Variants in ADAMTSL1 observed in about 807,000 individuals in gnomAD.
ADAMTSL1 encodes the protein ADAMTS like 1.
A neutral mutation model predicts 201.8 loss-of-function variants in ADAMTSL1; 126 were observed. The ratio of observed to expected loss-of-function variants is 0.62; its 90% confidence interval spans 0.54 to 0.72. The LOEUF is 0.72. Among genes scored for constraint, ADAMTSL1 ranks in the 30% least tolerant of loss-of-function variants. ADAMTSL1 has a pLI of 0.00. For synonymous variants in ADAMTSL1, 1,121 were observed against 903.4 expected (o/e 1.24, Z -4.32); for missense variants, 2,679 against 2,277.8 (o/e 1.18, Z -3.59).
At chr9:18,111,399 G>A (rs1824999537) in intron 1 of ADAMTSL1, among the ~76,000 whole-genome samples, 1 of 151,946 alleles carries the variant, frequency 6.6e-6, no homozygotes, top group Non-Finnish European at 1.5e-5. Context: ...TTTTATCCAT[G>A]TGCTTCTCAT....
chr9:18,395,121 C>T (rs2185377), intron 2 of ADAMTSL1, among the ~76,000 whole-genome samples: 26,821 of 152,096 alleles, frequency 0.18, 2,540 homozygotes, highest in South Asian at 0.25. Flanking sequence ...CACTCCTGCT[C>T]CCCCTTGTCC....
chr9:18,481,760 T>C (rs939657836), intron 1 of ADAMTSL1, among the ~76,000 whole-genome samples: 1 of 152,230 alleles, frequency 6.6e-6, no homozygotes, highest in East Asian at 1.9e-4. Flanking sequence ...ACTGTTTCTA[T>C]AGTTTATAGT....
At chr9:18,720,830 C>T (rs1036867927) in intron 14 of ADAMTSL1, among the ~76,000 whole-genome samples, 4 of 152,138 alleles carry the variant, frequency 2.6e-5, no homozygotes, top group Admixed American at 6.5e-5. Context: ...GCCCTGCAAA[C>T]CACCTTGGAG....
At chr9:18,361,662 A>G (rs1056203090) in intron 2 of ADAMTSL1, among the ~76,000 whole-genome samples, 1 of 152,174 alleles carries the variant, frequency 6.6e-6, no homozygotes, top group Non-Finnish European at 1.5e-5. Context: ...GAGCAGAACT[A>G]TGAGAAGCAA....
chr9:18,219,788 T>A (rs773643441), intron 2 of ADAMTSL1, among the ~76,000 whole-genome samples: 1 of 152,172 alleles, frequency 6.6e-6, no homozygotes, highest in Non-Finnish European at 1.5e-5. Context: ...AAAAATATCT[T>A]TTTAAATTTA....
intron 2 of ADAMTSL1, among the ~76,000 whole-genome samples, chr9:18,357,760 C>G (rs1836317548): frequency 1.3e-5 from 2 of 151,994 alleles, no homozygotes; most frequent in Admixed American, 1.3e-4. Context: ...TTTCCATAAC[C>G]TAGAATTGGA....
At chr9:17,998,899 A>G (rs913305851) in intron 1 of ADAMTSL1, among the ~76,000 whole-genome samples, 3 of 152,082 alleles carry the variant, frequency 2.0e-5, no homozygotes, top group Admixed American at 2.0e-4. Flanking sequence ...CAAAGGCCCC[A>G]TGAAATCTGC....
At chr9:18,616,720 T>C (rs1825722394) in intron 4 of ADAMTSL1, among the ~76,000 whole-genome samples, 2 of 152,222 alleles carry the variant, frequency 1.3e-5, no homozygotes, top group Admixed American at 6.5e-5. Flanking sequence ...GTGTGCATTA[T>C]GTTTAGTTCT....
chr9:18,396,916 T>A (rs1462653043), intron 2 of ADAMTSL1, among the ~76,000 whole-genome samples: 2 of 152,178 alleles, frequency 1.3e-5, no homozygotes, highest in African/African-American at 4.8e-5. Flanking sequence ...CATTCCTAAA[T>A]AGGGGTCCTA....
chr9:18,568,318 A>G (rs1031433195), intron 3 of ADAMTSL1, among the ~76,000 whole-genome samples: 5 of 152,214 alleles, frequency 3.3e-5, no homozygotes, highest in Non-Finnish European at 7.3e-5. Context: ...CAAAGACCAA[A>G]ATATGTAAAA....
intron 1 of ADAMTSL1, among the ~76,000 whole-genome samples, chr9:18,130,138 T>C (rs188584167): frequency 8.5e-5 from 13 of 152,244 alleles, no homozygotes; most frequent in Admixed American, 8.5e-4. Context: ...CTTCTTGCCA[T>C]CACAGTAACC....
At chr9:18,529,876 T>C (rs921634593) in intron 2 of ADAMTSL1, among the ~76,000 whole-genome samples, 7 of 152,222 alleles carry the variant, frequency 4.6e-5, no homozygotes, top group Non-Finnish European at 1.0e-4. Flanking sequence ...AACTACAGGA[T>C]ATTCTTTGGA....
Position 18,817,237 on chromosome 9 carries a change from G to A in ADAMTSL1, c.3934G>A (p.Gly1312Arg), listed in dbSNP as rs1212161317. ...TGTGACAATCAACTGCCAGGTTGCA[G>A]GTGAGAAATTAATGTTCATTTGTTC... is the stretch of plus-strand genomic sequence containing the variant. ...VNVTINCQVA[G>R]VPEAEVTWFR... The change falls in exon 21 of 29, where the codon GGA becomes AGA. Residue 1312 changes from glycine (G) to arginine (R), a missense_variant and splice_region_variant. By Grantham distance (125) the Gly-to-Arg change is moderately radical. Transcript: ENST00000380548. 9 of 1,552,780 alleles carry A rather than the reference G, an allele frequency of 5.8e-6. No homozygotes were observed. Among genetic ancestry groups the A allele is most frequent in the Non-Finnish European group, 7.8e-6 (9 of 1,147,626 alleles).
chr9:18,705,103 A>G (rs1046573782), intron 13 of ADAMTSL1, among the ~76,000 whole-genome samples: 1 of 152,192 alleles, frequency 6.6e-6, no homozygotes, highest in African/African-American at 2.4e-5. Context: ...TGTTCCTTCC[A>G]GTTTGGAAAT....
intron 15 of ADAMTSL1, among the ~76,000 whole-genome samples, chr9:18,731,192 A>G (rs1472954049): frequency 6.6e-6 from 1 of 152,264 alleles, no homozygotes. Context: ...CACCAGGAGT[A>G]GAGATACTGC....
chr9:17,934,806 C>T (rs111807989), intron 1 of ADAMTSL1, among the ~76,000 whole-genome samples: 1,985 of 151,772 alleles, frequency 0.013, 42 homozygotes, highest in African/African-American at 0.044. Flanking sequence ...CACAAAGACC[C>T]GTCATTCTAC....
intron 7 of ADAMTSL1, among the ~76,000 whole-genome samples, chr9:18,641,580 T>G (rs1360666364): frequency 6.6e-6 from 1 of 152,098 alleles, no homozygotes; most frequent in Non-Finnish European, 1.5e-5. Context: ...CTTCAGTGTT[T>G]CTTTAGAAAA....
intron 1 of ADAMTSL1, among the ~76,000 whole-genome samples, chr9:18,124,847 C>A (rs1280575010): frequency 1.3e-5 from 2 of 151,990 alleles, no homozygotes; most frequent in Non-Finnish European, 2.9e-5. Flanking sequence ...AGTGTTTTTT[C>A]TTTCCTTTGA....
chr9:18,251,072 AG>A (rs1357654353), intron 2 of ADAMTSL1, among the ~76,000 whole-genome samples: 1 of 152,160 alleles, frequency 6.6e-6, no homozygotes, highest in Non-Finnish European at 1.5e-5. Flanking sequence ...AGATGTAATT[AG>A]GGTACCAAAA....
Sources: allele counts gnomAD v4.1 joint callset (sites outside exome capture counted in the v4.1 genomes callset), GRCh38; gene constraint gnomAD v4.1.1; transcripts MANE v1.5; gene names NCBI Gene and HGNC (gene_info 2026-07-23, HGNC 2026-07-21).